The following EIF4G3 variants were observed in gnomAD, a reference collection of about 807,000 sequenced individuals.
EIF4G3 encodes the protein eukaryotic translation initiation factor 4 gamma 3, also known as eIF-4-gamma 3.
In EIF4G3, 34 loss-of-function variants were observed where a neutral mutation model predicts 186.4. That is an observed-to-expected ratio of 0.18 (90% CI 0.14 to 0.24). The LOEUF (loss-of-function observed/expected upper bound fraction) is 0.24, where lower values mean the gene tolerates loss of function less well. EIF4G3 is among the 10% of genes least tolerant of loss of function. The probability of loss-of-function intolerance (pLI) is 1.00; values close to 1 mark genes in which losing one functional copy is unlikely to be tolerated. For missense variants in EIF4G3, 1,536 were observed against 1,948.5 expected, an observed-to-expected ratio of 0.79 and a Z score of 3.99; for synonymous variants, 673 against 679.5, an observed-to-expected ratio of 0.99 and a Z score of 0.15.
chr1:20,837,061 C>T (rs1278041450), intron 30 of EIF4G3, among the ~76,000 whole-genome samples: 1 of 152,154 alleles, frequency 6.6e-6, no homozygotes, highest in East Asian at 1.9e-4. Context: ...AAGGAAAATT[C>T]CAAAGGACCT....
intron 14 of EIF4G3, among the ~76,000 whole-genome samples, chr1:20,912,093 C>T (rs2093314334): frequency 6.6e-6 from 1 of 152,030 alleles, no homozygotes; most frequent in Non-Finnish European, 1.5e-5. Context: ...CTGGGCAACA[C>T]AGGGAGACCC....
At chr1:21,153,643 G>A (rs2097584370) in intron 2 of EIF4G3, among the ~76,000 whole-genome samples, 1 of 152,070 alleles carries the variant, frequency 6.6e-6, no homozygotes, top group Non-Finnish European at 1.5e-5. Context: ...TGGCTCAGGG[G>A]AACCTCCGCC....
intron 2 of EIF4G3, among the ~76,000 whole-genome samples, chr1:21,147,306 C>T (rs1339496112): frequency 6.6e-6 from 1 of 151,950 alleles, no homozygotes; most frequent in Non-Finnish European, 1.5e-5. Context: ...ATTTATAAAA[C>T]ACATGCACTG....
At chr1:20,962,355 A>G (rs2073512175) in intron 12 of EIF4G3, among the ~76,000 whole-genome samples, 1 of 152,200 alleles carries the variant, frequency 6.6e-6, no homozygotes, top group African/African-American at 2.4e-5. Flanking sequence ...GCTAGAAGAA[A>G]ATGTGTTTAA....
At chr1:20,892,706 A>G in intron 18 of EIF4G3, 1 of 1,536,056 alleles carries the variant, frequency 6.5e-7, no homozygotes. Context: ...TTGGCAATCC[A>G]TGCCTGCTCT....
intron 4 of EIF4G3, among the ~76,000 whole-genome samples, chr1:21,007,356 C>A (rs1220638453): frequency 6.6e-6 from 1 of 151,768 alleles, no homozygotes; most frequent in African/African-American, 2.4e-5. Context: ...CAAGATCGCA[C>A]CACTGCAATC....
intron 29 of EIF4G3, among the ~76,000 whole-genome samples, chr1:20,843,696 C>T (rs1404488904): frequency 6.6e-6 from 1 of 152,040 alleles, no homozygotes; most frequent in Non-Finnish European, 1.5e-5. Context: ...TGCAGCTTTG[C>T]TACATAGGTA....
intron 14 of EIF4G3, among the ~76,000 whole-genome samples, chr1:20,918,211 GTTTA>G (rs1476813241): frequency 6.6e-6 from 1 of 151,758 alleles, no homozygotes; most frequent in Admixed American, 6.6e-5. Flanking sequence ...CTATATACAA[GTTTA>G]TTATTTATTT....
At chr1:21,089,692 G>C (rs1165501412) in intron 2 of EIF4G3, among the ~76,000 whole-genome samples, 5 of 151,384 alleles carry the variant, frequency 3.3e-5, no homozygotes, top group Non-Finnish European at 7.4e-5. Context: ...GGCTGAGGTG[G>C]TAGGATCACT....
At chr1:21,020,650 C>T (rs546070649) in intron 4 of EIF4G3, among the ~76,000 whole-genome samples, 3 of 152,262 alleles carry the variant, frequency 2.0e-5, no homozygotes, top group East Asian at 3.9e-4. Context: ...TCAGAAGATA[C>T]ATACTTTAAT....
chr1:20,820,427 T>C (rs1178258088), intron 33 of EIF4G3, among the ~76,000 whole-genome samples: 1 of 152,052 alleles, frequency 6.6e-6, no homozygotes, highest in Non-Finnish European at 1.5e-5. Context: ...AGGCTCAGAG[T>C]TGCCTGCTCT....
intron 3 of EIF4G3, among the ~76,000 whole-genome samples, chr1:21,056,487 G>T (rs918874488): frequency 1.3e-5 from 2 of 152,172 alleles, no homozygotes; most frequent in South Asian, 4.1e-4. Context: ...TCTTTTACTA[G>T]AAATTATACA....
At chr1:20,996,679 A>G (rs1200470654) in intron 7 of EIF4G3, among the ~76,000 whole-genome samples, 1 of 152,256 alleles carries the variant, frequency 6.6e-6, no homozygotes, top group East Asian at 1.9e-4. Flanking sequence ...AAAGACAGTT[A>G]CCACTTACTG....
At chr1:20,928,488 C>T (rs914547750) in intron 14 of EIF4G3, among the ~76,000 whole-genome samples, 8 of 150,352 alleles carry the variant, frequency 5.3e-5, no homozygotes, top group African/African-American at 1.2e-4. Flanking sequence ...CTGCAACCTC[C>T]GCCTTCCGAG....
chr1:20,847,246 T>TA (rs1045264096), intron 29 of EIF4G3, among the ~76,000 whole-genome samples: 4 of 152,188 alleles, frequency 2.6e-5, no homozygotes, highest in African/African-American at 9.7e-5. Flanking sequence ...GCCGAATATG[T>TA]ACAACAGCAC....
rs189191129 is a variant in EIF4G3 at position 21,065,454 on chromosome 1, G to A, written c.-195-14460C>T. On this transcript the variant is annotated intron_variant, in intron 3 of 36. Coordinates refer to ENST00000602326, the MANE Select transcript of EIF4G3 (RefSeq NM_001391906.1). ...GTGTGCACTTGTAGTCCTAGCTCTA[G>A]GGAGGCTGGGAGAGAAGGATTAAGC... 7.3e-5 allele frequency among the ~76,000 whole-genome samples: 11 copies of A among 151,060 alleles called. No homozygotes were observed. In the East Asian group the frequency reaches 2.0e-3, roughly 27 times the overall value.
At chr1:20,811,168 T>G (rs1280527319) in intron 35 of EIF4G3, among the ~76,000 whole-genome samples, 1 of 151,684 alleles carries the variant, frequency 6.6e-6, no homozygotes, top group Non-Finnish European at 1.5e-5. Context: ...TGGTCAGACT[T>G]GTCTCGAACT....
chr1:21,149,237 C>A (rs2097510216), intron 2 of EIF4G3, among the ~76,000 whole-genome samples: 1 of 152,012 alleles, frequency 6.6e-6, no homozygotes, highest in Admixed American at 6.6e-5. Context: ...CCTATGTGTA[C>A]ATAAATATGT....
At chr1:20,826,148 T>C (rs967336601) in intron 32 of EIF4G3, among the ~76,000 whole-genome samples, 4 of 152,162 alleles carry the variant, frequency 2.6e-5, no homozygotes, top group African/African-American at 9.7e-5. Flanking sequence ...TCAAAGTTAA[T>C]AAGAATGTGA....
Sources: gnomAD v4.1 joint callset for allele counts (sites outside exome capture counted in the v4.1 genomes callset) on GRCh38, gnomAD v4.1.1 for gene constraint, MANE v1.5 for transcripts, NCBI Gene and HGNC (gene_info 2026-07-23, HGNC 2026-07-21) for gene names.